The following TCEAL8 variants were observed in gnomAD, a reference collection of about 807,000 sequenced individuals.
TCEAL8 encodes transcription elongation factor A like 8.
For missense variants in TCEAL8, 78 were observed against 92.0 expected (o/e 0.85, Z 0.62); for synonymous variants, 41 against 29.6 (o/e 1.38, Z -1.25).
rs896585467 is a variant in TCEAL8, at chrX:103,253,411, C to T, written c.*215G>A. On this transcript the variant is annotated 3_prime_UTR_variant, in exon 3 of 3. Coordinates refer to ENST00000372685, the MANE Select transcript of TCEAL8 (RefSeq NM_153333.3). The stretch of plus-strand genomic sequence containing the variant: ...GTTTTACTTTACAACATGGAATGAA[C>T]ATATTCCCATGCAAATGTGTGAAAG... The T allele has an allele frequency of 1.5e-5, 6 of 407,720 alleles. No individual in the cohort carries two copies. The African/African-American group carries it at 1.5e-4, about 10-fold the overall frequency. The allele number at this position is 407,720 out of a possible 1,213,427, so 33.6% of individuals were successfully genotyped here.
chrX:103,253,065 T>C lies in TCEAL8; in HGVS notation c.*561A>G, dbSNP rs957453810. 1 of 118,699 alleles carries C rather than the reference T, an allele frequency of 8.4e-6. No homozygotes were observed. Among genetic ancestry groups the C allele is most frequent in the African/African-American group, 3.2e-5 (1 of 30,864 alleles). The allele number at this position is 118,699 out of a possible 1,213,427, so 9.8% of individuals were successfully genotyped here. ...AGGTAATTTGAGGTTTACATTTCTT[T>C]TTAAAGTTCTTTCATCAAGAGTTTA... is the stretch of plus-strand genomic sequence containing the variant. On this transcript the variant is annotated 3_prime_UTR_variant, in exon 3 of 3. Transcript: ENST00000372685.
chrX:103,254,491 A>G (rs1241688859), intron 2 of TCEAL8, 114 bp downstream of exon 2: 1 of 113,720 alleles, frequency 8.8e-6, no homozygotes, highest in Non-Finnish European at 1.8e-5. Context: ...GGCCTCTGGC[A>G]CTTAATCCGG....
At chrX:103,254,833 G>A (rs943271036) in intron 1 of TCEAL8, among the ~76,000 whole-genome samples, 156 bp from the exon 2 acceptor site, 4 of 110,324 alleles carry the variant, frequency 3.6e-5, no homozygotes, top group African/African-American at 1.3e-4. Flanking sequence ...CCGTTTTTCT[G>A]CAAGCAGGGA....
At chrX:103,254,879 G>GTC (rs1355546923) in intron 1 of TCEAL8, among the ~76,000 whole-genome samples, 199 bp downstream of exon 1, 1 of 110,232 alleles carries the variant, frequency 9.1e-6, no homozygotes, top group Non-Finnish European at 1.9e-5. Flanking sequence ...CAGTTTCTAT[G>GTC]TCTCTCTCTC....
chrX:103,253,918 T>C lies in TCEAL8; in HGVS notation c.62A>G (p.Asp21Gly), dbSNP rs749677518. 8.3e-6 allele frequency: 10 copies of C among 1,210,603 alleles called. No homozygotes were observed. In the South Asian group the frequency reaches 1.6e-4, roughly 19 times the overall value. ...KPQNMPKAEE[D>G]RPLEDVPQEA... ...CTGTGGTACATCCTCCAAAGGGCGA[T>C]CTTCCTCGGCCTTTGGCATGTTCTG... The change falls in exon 3 of 3, where the codon GAT (aspartate) becomes GGT (glycine). Residue 21 changes from aspartate to glycine, a missense_variant. Coordinates refer to ENST00000372685, the MANE Select transcript of TCEAL8 (RefSeq NM_153333.3).
chrX:103,253,698 G>A lies in TCEAL8; in HGVS notation c.282C>T (p.Asn94=). ...GCTTCCAATGCATCATCACAAACTT[G>A]TTTCTTACTCTTCTTATCTCTTCCC... ...RLREEIRRVR[N]KFVMMHWKQR... The change falls in exon 3 of 3, where the codon AAC becomes AAT. Residue 94 remains asparagine (N), a synonymous_variant. Transcript: ENST00000372685. 1 of 1,211,947 alleles carries A rather than the reference G, an allele frequency of 8.3e-7. No individual in the cohort carries two copies. Among genetic ancestry groups the A allele is most frequent in the Non-Finnish European group, 1.1e-6 (1 of 895,502 alleles).
chrX:103,254,137 A>G, intron 2 of TCEAL8, 120 bp from the exon 3 acceptor site: 3 of 467,491 alleles, frequency 6.4e-6, no homozygotes, highest in Non-Finnish European at 3.6e-6. Context: ...AAGTTTTCCA[A>G]CTAGAGAAAG....
At position 103,253,953 on chromosome X, in the gene TCEAL8, C is replaced by G. The variant is rs1925172197; in HGVS notation, c.27G>C (p.Glu9Asp). MQKSCEEN[E>D]GKPQNMPKAE... is the part of the protein sequence containing the mutation. ...CCTTTGGCATGTTCTGTGGTTTTCC[C>G]TCATTTTCTTCACAAGACTTTTGCA... Residue 9 changes from glutamate (E) to aspartate (D), a missense_variant, in exon 3 of 3, where the codon GAG (glutamate) becomes GAC (aspartate). Transcript: ENST00000372685. 2.5e-6 allele frequency: 3 copies of G among 1,204,327 alleles called. No individual in the cohort carries two copies. In the East Asian group the frequency reaches 8.9e-5, roughly 36 times the overall value.
In TCEAL8 at chrX:103,253,819, G is replaced by C; in HGVS notation, c.161C>G (p.Pro54Arg). The C allele has an allele frequency of 1.7e-6, 2 of 1,211,533 alleles. No individual in the cohort carries two copies. The change falls in exon 3 of 3, where the codon CCG (proline) becomes CGG (arginine). Residue 54 changes from proline to arginine, a missense_variant. Physicochemically the swap from Pro to Arg is moderately radical, Grantham distance 103 (BLOSUM62 -2). Transcript: ENST00000372685. ...QEAEGNPRGGPNQPGQGFKED... is the reference protein window; with the variant it reads ...QEAEGNPRGGRNQPGQGFKED... ...TTTAAATCCCTGGCCAGGCTGATTC[G>C]GCCCTCCTCTGGGGTTTCCTTCTGC... is the stretch of plus-strand genomic sequence containing the variant.
At position 103,253,887 on chromosome X, in the gene TCEAL8, T is replaced by C. The variant is rs1381898860; in HGVS notation, c.93A>G (p.Ala31=). 11 of 1,212,324 alleles carry C rather than the reference T, an allele frequency of 9.1e-6. No individual in the cohort carries two copies. The highest frequency in any genetic ancestry group is 1.2e-5 in the Non-Finnish European group (11 of 895,533). The part of the protein sequence containing the change: ...DRPLEDVPQE[A]EGNPQPSEEG... ...CTTCGGAAGGTTGAGGATTTCCTTC[T>C]GCCTCCTGTGGTACATCCTCCAAAG... is the stretch of plus-strand genomic sequence containing the variant. Residue 31 remains alanine (A), a synonymous_variant, in exon 3 of 3, where the codon GCA becomes GCG. Transcript: ENST00000372685.
rs770282422 is a variant in TCEAL8, at chrX:103,253,865, C to T, written c.115G>A (p.Glu39Lys). Residue 39 changes from glutamate to lysine, a missense_variant, in exon 3 of 3, where the codon GAA becomes AAA. Glu to Lys is a moderately conservative substitution (Grantham distance 56, BLOSUM62 1). Transcript: ENST00000372685. Reference sequence around the variant, plus strand: ...TCTGCTTCCTGGCTTACGCCTTCTTCGGAAGGTTGAGGATTTCCTTCTGCC... The same window carrying T: ...TCTGCTTCCTGGCTTACGCCTTCTTTGGAAGGTTGAGGATTTCCTTCTGCC... ...QEAEGNPQPS[E>K]EGVSQEAEGN... 16 of 1,210,802 alleles carry T rather than the reference C, an allele frequency of 1.3e-5. No individual in the cohort carries two copies. In the South Asian group the frequency reaches 2.5e-4, roughly 19 times the overall value.
At position 103,253,743 on chromosome X, in the gene TCEAL8, T is replaced by C; in HGVS notation, c.237A>G (p.Val79=). 1 of 1,212,260 alleles carries C rather than the reference T, an allele frequency of 8.2e-7. No individual in the cohort carries two copies. The change falls in exon 3 of 3, where the codon GTA becomes GTG. Residue 79 remains valine (V), a synonymous_variant. Coordinates refer to ENST00000372685, the MANE Select transcript of TCEAL8 (RefSeq NM_153333.3). ...CTTCCCTAAGCCTTTCAAGCTCATC[T>C]ACTCCTCTTATCATTTCTTCAGGGT... ...HLDPEEMIRG[V]DELERLREEI... is the part of the protein sequence containing the mutation.
Position 103,253,821 on chromosome X carries a change from CCCT to C in TCEAL8, c.156_158del (p.Gly53del), listed in dbSNP as rs769345660. 5.5e-5 allele frequency: 66 copies of C among 1,210,450 alleles called. No individual in the cohort carries two copies. The highest frequency in any genetic ancestry group is 6.8e-5 in the Non-Finnish European group (61 of 895,371). On this transcript the variant is annotated inframe_deletion, in exon 3 of 3. Coordinates refer to ENST00000372685, the MANE Select transcript of TCEAL8 (RefSeq NM_153333.3). ...TAAATCCCTGGCCAGGCTGATTCGG[CCCT>C]CCTCTGGGGTTTCCTTCTGCTTCCT... is the stretch of plus-strand genomic sequence containing the variant.
chrX:103,253,796 T>C lies in TCEAL8; in HGVS notation c.184A>G (p.Lys62Glu). ...AAATGCCTAACGGGTGTGTCCTCTT[T>C]AAATCCCTGGCCAGGCTGATTCGGC... ...GGPNQPGQGFKEDTPVRHLDP... is the reference protein window; with the variant it reads ...GGPNQPGQGFEEDTPVRHLDP... The change falls in exon 3 of 3, where the codon AAA becomes GAA. Residue 62 changes from lysine (K) to glutamate (E), a missense_variant. Coordinates refer to ENST00000372685, the MANE Select transcript of TCEAL8 (RefSeq NM_153333.3). 8.3e-7 allele frequency: 1 copy of C among 1,212,107 alleles called. No homozygotes were observed. The highest frequency in any genetic ancestry group is 1.1e-6 in the Non-Finnish European group (1 of 895,604).
At position 103,253,486 on chromosome X, in the gene TCEAL8, A is replaced by G. The variant is rs1925155196; in HGVS notation, c.*140T>C. On this transcript the variant is annotated 3_prime_UTR_variant, in exon 3 of 3. Transcript: ENST00000372685. ...AAAATGGGTCAAAATCCAAAATCCA[A>G]TGAGATGCTGGTACCAAGGAAATTA... is the stretch of plus-strand genomic sequence containing the variant. 1.4e-5 allele frequency: 7 copies of G among 497,819 alleles called. No individual in the cohort carries two copies. Among genetic ancestry groups the G allele is most frequent in the Middle Eastern group, 5.1e-4 (1 of 1,977 alleles). 41.0% of individuals were successfully genotyped at this position (497,819 alleles called of 1,213,427 possible). A position where few individuals can be genotyped will look rare whatever the true frequency, so the allele number is the denominator to read the frequency against.
In TCEAL8 at chrX:103,253,317, C is replaced by G; in HGVS notation, c.*309G>C. 1 of 286,833 alleles carries G rather than the reference C, an allele frequency of 3.5e-6. No individual in the cohort carries two copies. 23.6% of individuals were successfully genotyped at this position (286,833 alleles called of 1,213,427 possible). On this transcript the variant is annotated 3_prime_UTR_variant, in exon 3 of 3. Coordinates refer to ENST00000372685, the MANE Select transcript of TCEAL8 (RefSeq NM_153333.3). Reference sequence around the variant, plus strand: ...GTATGTATACACACACGCACACACACAAAGTTTGGAATTTTATCCTACATA... The same window carrying G: ...GTATGTATACACACACGCACACACAGAAAGTTTGGAATTTTATCCTACATA...
At position 103,253,308 on chromosome X, in the gene TCEAL8, G is replaced by GCA. The variant is rs750244240; in HGVS notation, c.*316_*317dup. ...TATATGGATGTATGTATACACACAC[G>GCA]CACACACACAAAGTTTGGAATTTTA... is the stretch of plus-strand genomic sequence containing the variant. On this transcript the variant is annotated 3_prime_UTR_variant, in exon 3 of 3. Transcript: ENST00000372685. 1.5e-5 allele frequency: 4 copies of GCA among 265,757 alleles called. No homozygotes were observed. The East Asian group carries it at 1.9e-4, about 13-fold the overall frequency. The allele number at this position is 265,757 out of a possible 1,213,427, so 21.9% of individuals were successfully genotyped here.
At position 103,253,153 on chromosome X, in the gene TCEAL8, C is replaced by A. The variant is rs946267230; in HGVS notation, c.*473G>T. 2.6e-5 allele frequency: 3 copies of A among 114,870 alleles called. No individual in the cohort carries two copies. The highest frequency in any genetic ancestry group is 9.7e-5 in the African/African-American group (3 of 30,879). 9.5% of individuals were successfully genotyped at this position (114,870 alleles called of 1,213,427 possible). On this transcript the variant is annotated 3_prime_UTR_variant, in exon 3 of 3. Transcript: ENST00000372685. ...TTTGACTCTTACTTGTAAAAAAAAT[C>A]CTTAATTCTTTTTGTGTGTGAGACA...
chrX:103,254,824 C>G (rs193098407), intron 1 of TCEAL8, 147 bp from the exon 2 acceptor site: 1 of 110,870 alleles, frequency 9.0e-6, no homozygotes, highest in African/African-American at 3.3e-5. Context: ...CCGTGCCCAC[C>G]GTTTTTCTGC....
Sources: gnomAD v4.1 joint callset for allele counts (sites outside exome capture counted in the v4.1 genomes callset) on GRCh38, gnomAD v4.1.1 for gene constraint, MANE v1.5 for transcripts, NCBI Gene and HGNC (gene_info 2026-07-23, HGNC 2026-07-21) for gene names.